The following COL6A2 variants were observed in gnomAD, a reference collection of about 807,000 sequenced individuals.
The protein encoded by COL6A2 is collagen type VI alpha 2 chain.
A neutral mutation model predicts 124.9 loss-of-function variants in COL6A2; 90 were observed. That is an observed-to-expected ratio of 0.72 (90% CI 0.61 to 0.86). The LOEUF is 0.86. COL6A2 is among the 40% of genes least tolerant of loss of function. The pLI, the probability that COL6A2 is intolerant of heterozygous loss-of-function variation, is 0.00. For missense variants in COL6A2, 1,607 were observed against 1,502.5 expected (o/e 1.07, Z -1.15); for synonymous variants, 793 against 618.2 (o/e 1.28, Z -4.19).
At chr21:46,130,345 C>T (rs558930780) in intron 27 of COL6A2, among the ~76,000 whole-genome samples, 78 of 152,278 alleles carry the variant, frequency 5.1e-4, no homozygotes, top group African/African-American at 1.3e-3. Context: ...TGTTGGGGAG[C>T]GGCAGGGATC....
intron 1 of COL6A2, among the ~76,000 whole-genome samples, chr21:46,108,524 G>A (rs561182464): frequency 1.3e-5 from 2 of 152,262 alleles, no homozygotes; most frequent in Admixed American, 1.3e-4. Context: ...GATTTGAAAT[G>A]TATATCCTTT....
Position 46,118,807 on chromosome 21 carries a change from G to A in COL6A2, c.1179+131G>A, listed in dbSNP as rs1263333896. The A allele has an allele frequency of 3.4e-6, 4 of 1,191,638 alleles. No homozygotes were observed. The Admixed American group carries it at 6.0e-5, about 18-fold the overall frequency. The allele number at this position is 1,191,638 out of a possible 1,614,324, so 73.8% of individuals were successfully genotyped here. On this transcript the variant is annotated intron_variant, in intron 13 of 27. Coordinates refer to ENST00000300527, the MANE Select transcript of COL6A2 (RefSeq NM_001849.4). ...GCATTGGGCTCTGGGGACACGGGGA[G>A]GGACAGGAAGAACAGGCCATGTGCC... is the stretch of plus-strand genomic sequence containing the variant.
At position 46,132,666 on chromosome 21, in the gene COL6A2, C is replaced by A; in HGVS notation, c.*114C>A. The stretch of plus-strand genomic sequence containing the variant: ...CTGCTCACTCGGACGACGCCCTGGG[C>A]CTGCACCTCTCCAGCTCCTCCCACG... On this transcript the variant is annotated 3_prime_UTR_variant, in exon 28 of 28. Coordinates refer to ENST00000300527, the MANE Select transcript of COL6A2 (RefSeq NM_001849.4). 9.1e-7 allele frequency: 1 copy of A among 1,094,104 alleles called. No individual in the cohort carries two copies. Among genetic ancestry groups the A allele is most frequent in the Non-Finnish European group, 1.3e-6 (1 of 749,064 alleles). The allele number at this position is 1,094,104 out of a possible 1,614,324, so 67.8% of individuals were successfully genotyped here. A position where few individuals can be genotyped will look rare whatever the true frequency, so the allele number is the denominator to read the frequency against.
At chr21:46,124,365 C>T (rs1300124093) in intron 21 of COL6A2, among the ~76,000 whole-genome samples, 1 of 152,092 alleles carries the variant, frequency 6.6e-6, no homozygotes, top group Admixed American at 6.5e-5. Context: ...GTGGAATACC[C>T]ATGGATTGGA....
Position 46,120,346 on chromosome 21 carries a change from C to T in COL6A2, c.1333-169C>T, listed in dbSNP as rs13051514. On this transcript the variant is annotated intron_variant, in intron 15 of 27. Transcript: ENST00000300527. Reference sequence around the variant, plus strand: ...TGCTCAGAGCGGCAGCTACAGGCACCGGGAAGGAGCTATGGGTGAAACAGG... The same window carrying T: ...TGCTCAGAGCGGCAGCTACAGGCACTGGGAAGGAGCTATGGGTGAAACAGG... 0.45 allele frequency among the ~76,000 whole-genome samples: 68,029 copies of T among 152,032 alleles called. 16,688 individuals are homozygous for T. Among genetic ancestry groups the T allele is most frequent in the Admixed American group, 0.58 (8,850 of 15,272 alleles).
intron 4 of COL6A2, 88 bp downstream of exon 4, chr21:46,112,912 C>T: frequency 9.7e-6 from 15 of 1,544,112 alleles, no homozygotes; most frequent in Non-Finnish European, 1.3e-5. Flanking sequence ...CTGGCGCCTC[C>T]AGGCTGGAAC....
intron 26 of COL6A2, 79 bp downstream of exon 26, chr21:46,126,316 C>T (rs1049934685): frequency 3.2e-6 from 5 of 1,551,150 alleles, no homozygotes; most frequent in African/African-American, 1.4e-5. Context: ...CAGGGACACC[C>T]CTCACCTGAG....
Position 46,126,504 on chromosome 21 carries a change from C to T in COL6A2, c.2424C>T (p.Asp808=), listed in dbSNP as rs771205165. The T allele has an allele frequency of 3.3e-5, 54 of 1,613,342 alleles. No individual in the cohort carries two copies. Among genetic ancestry groups the T allele is most frequent in the East Asian group, 4.5e-5 (2 of 44,852 alleles). ...CCCGGCCTCTCTCCTCTCTTCCAGA[C>T]CCTCAGATCGTGTGCCCAGACCTTC... ...IDDMEDVLCP[D]PQIVCPDLPC... is the part of the protein sequence containing the mutation. The change falls in exon 27 of 28, where the codon GAC becomes GAT. Residue 808 remains aspartate, a splice_region_variant and synonymous_variant. Transcript: ENST00000300527.
At position 46,125,292 on chromosome 21, in the gene COL6A2, G is replaced by A. The variant is rs370858447; in HGVS notation, c.1797G>A (p.Arg599=). 8 of 1,611,930 alleles carry A rather than the reference G, an allele frequency of 5.0e-6. No homozygotes were observed. In the South Asian group the frequency reaches 5.5e-5, roughly 11 times the overall value. Residue 599 remains arginine (R), a synonymous_variant, in exon 24 of 28, where the codon AGG becomes AGA. Coordinates refer to ENST00000300527, the MANE Select transcript of COL6A2 (RefSeq NM_001849.4). ...AGTGTGACGTCATGACCTACGTGAG[G>A]GAGACCTGCGGGTGCTGCGGTGAGG... ...LTECDVMTYV[R]ETCGCCDCEK...
Position 46,118,067 on chromosome 21 carries a change from C to T in COL6A2, c.1116+131C>T, listed in dbSNP as rs760925502. 2.2e-4 allele frequency: 187 copies of T among 864,810 alleles called. 1 individual carries two copies. The highest frequency in any genetic ancestry group is 3.0e-4 in the Non-Finnish European group (170 of 558,918). 53.6% of individuals were successfully genotyped at this position (864,810 alleles called of 1,614,324 possible). A position where few individuals can be genotyped will look rare whatever the true frequency, so the allele number is the denominator to read the frequency against. ...ACACTGGTCAGTGAGGAGCCAATGG[C>T]CGTGGGATGTGGTGGAGGGTGCCCT... On this transcript the variant is annotated intron_variant, in intron 12 of 27. Coordinates refer to ENST00000300527, the MANE Select transcript of COL6A2 (RefSeq NM_001849.4).
chr21:46,120,635 G>T, intron 16 of COL6A2, 58 bp downstream of exon 16: 4 of 1,385,230 alleles, frequency 2.9e-6, no homozygotes, highest in Non-Finnish European at 3.8e-6. Context: ...GTGCAGGGGG[G>T]CTGCACCCCA....
At chr21:46,123,047 C>T (rs1320383384) in intron 21 of COL6A2, 110 bp downstream of exon 21, 6 of 1,064,216 alleles carry the variant, frequency 5.6e-6, no homozygotes, top group Admixed American at 3.6e-5. Context: ...AGCTTGGCCC[C>T]AGCCATGAGC....
intron 27 of COL6A2, chr21:46,129,617 C>G: frequency 1.0e-5 from 15 of 1,430,998 alleles, no homozygotes; most frequent in Non-Finnish European, 1.4e-5. Flanking sequence ...GGCTACAGTC[C>G]TTCCAGGGGC....
In COL6A2 at chr21:46,125,767, C is replaced by G; in HGVS notation, c.1970-18C>G. 6.2e-7 allele frequency: 1 copy of G among 1,610,086 alleles called. No individual in the cohort carries two copies. Reference sequence around the variant, plus strand: ...ACCCCGAGGCCTCTGGCAACGACCTCACGCGTGCGGCTTGCAGGGACGCGT... The same window carrying G: ...ACCCCGAGGCCTCTGGCAACGACCTGACGCGTGCGGCTTGCAGGGACGCGT... On this transcript the variant is annotated intron_variant, in intron 25 of 27. Transcript: ENST00000300527.
At position 46,114,071 on chromosome 21, in the gene COL6A2, A is replaced by C. The variant is rs753370790; in HGVS notation, c.799A>C (p.Lys267Gln). The C allele has an allele frequency of 3.1e-6, 5 of 1,613,002 alleles. No homozygotes were observed. The highest frequency in any genetic ancestry group is 1.7e-5 in the Admixed American group (1 of 60,022). The change falls in exon 5 of 28, where the codon AAG (lysine) becomes CAG (glutamine). Residue 267 changes from lysine to glutamine, a missense_variant and splice_region_variant. Transcript: ENST00000300527. ...TGGCCCCAAGGGCTACCGTGGACAG[A>C]AGGTAAGATGCCCAGATTACCTGCA... ...PSGPKGYRGQ[K>Q]GAKGNMGEPG...
intron 27 of COL6A2, among the ~76,000 whole-genome samples, chr21:46,128,010 C>T (rs1233213554): frequency 6.6e-6 from 1 of 152,192 alleles, no homozygotes; most frequent in East Asian, 1.9e-4. Context: ...TGAGGGTTTG[C>T]GCTTATCGGC....
chr21:46,121,688 C>T, intron 18 of COL6A2, 70 bp downstream of exon 18: 1 of 1,503,382 alleles, frequency 6.7e-7, no homozygotes, highest in Non-Finnish European at 9.2e-7. Context: ...GGACAGGGGG[C>T]CGGCCTGGGG....
In COL6A2 at chr21:46,114,212, G is replaced by A. The variant is rs188165885; in HGVS notation, c.801+139G>A. Reference sequence around the variant, plus strand: ...GAGGCCGAGGCGGGCGGATCACAACGTCAGGAGATCGAGACCATCCTGGCT... The same window carrying A: ...GAGGCCGAGGCGGGCGGATCACAACATCAGGAGATCGAGACCATCCTGGCT... On this transcript the variant is annotated intron_variant, in intron 5 of 27. Transcript: ENST00000300527. 258 of 722,640 alleles carry A rather than the reference G, an allele frequency of 3.6e-4. 1 individual carries two copies. The East Asian group carries it at 5.6e-3, about 16-fold the overall frequency. The allele number at this position is 722,640 out of a possible 1,614,324, so 44.8% of individuals were successfully genotyped here. A position where few individuals can be genotyped will look rare whatever the true frequency, so the allele number is the denominator to read the frequency against.
intron 10 of COL6A2, 81 bp from the exon 11 acceptor site, chr21:46,117,319 G>A (rs1377260384): frequency 3.4e-5 from 47 of 1,399,734 alleles, no homozygotes; most frequent in Middle Eastern, 1.8e-4. Flanking sequence ...GGGCAGAACC[G>A]GGTGGGCTGT....
Sources: allele counts gnomAD v4.1 joint callset (sites outside exome capture counted in the v4.1 genomes callset), GRCh38; gene constraint gnomAD v4.1.1; transcripts MANE v1.5; gene names NCBI Gene and HGNC (gene_info 2026-07-23, HGNC 2026-07-21).